VWA3B: variants seen among roughly 807,000 people sequenced by gnomAD.
VWA3B encodes von Willebrand factor A domain-containing protein 3B.
In VWA3B, 138 loss-of-function variants were observed where a neutral mutation model predicts 158.3. The ratio of observed to expected loss-of-function variants is 0.87; its 90% CI spans 0.76 to 1.00. The LOEUF is 1.00. Ranked by LOEUF, VWA3B falls within the 50% of genes least tolerant of loss-of-function variation. VWA3B has a pLI of 0.00. For missense variants in VWA3B, 1,555 were observed against 1,565.1 expected (o/e 0.99, Z 0.11); for synonymous variants, 596 against 587.3 (o/e 1.01, Z -0.21).
chr2:98,286,601 C>T (rs917140888), intron 22 of VWA3B, among the ~76,000 whole-genome samples: 1 of 152,036 alleles, frequency 6.6e-6, no homozygotes, highest in African/African-American at 2.4e-5. Flanking sequence ...GGGTGTTAAA[C>T]CAGTGTTGCA....
At chr2:98,242,065 A>T (rs1240351473) in intron 19 of VWA3B, among the ~76,000 whole-genome samples, 3 of 152,180 alleles carry the variant, frequency 2.0e-5, no homozygotes, top group African/African-American at 7.2e-5. Context: ...TGGAGTTGAA[A>T]AGGAAACACA....
At chr2:98,302,535 A>G (rs1456219492) in intron 25 of VWA3B, among the ~76,000 whole-genome samples, 2 of 152,238 alleles carry the variant, frequency 1.3e-5, no homozygotes, top group African/African-American at 4.8e-5. Flanking sequence ...GCCAGGTAAC[A>G]GTGGCTCTTT....
intron 23 of VWA3B, among the ~76,000 whole-genome samples, chr2:98,294,951 C>G (rs974288737): frequency 6.6e-6 from 1 of 151,654 alleles, no homozygotes; most frequent in Non-Finnish European, 1.5e-5. Flanking sequence ...ACGTACAGCC[C>G]TTTGTTAATT....
chr2:98,209,936 C>T (rs1050386784), intron 12 of VWA3B, among the ~76,000 whole-genome samples: 3 of 152,166 alleles, frequency 2.0e-5, no homozygotes, highest in Non-Finnish European at 2.9e-5. Flanking sequence ...GTGGCAGTCT[C>T]GTTCCCTGAG....
chr2:98,117,357 G>A (rs370053698), intron 3 of VWA3B, among the ~76,000 whole-genome samples: 12 of 152,250 alleles, frequency 7.9e-5, no homozygotes, highest in Middle Eastern at 3.4e-3. Context: ...CTTAGTTTCC[G>A]GATGCTTTCA....
intron 12 of VWA3B, among the ~76,000 whole-genome samples, chr2:98,208,455 C>T (rs1374883470): frequency 6.6e-6 from 1 of 151,920 alleles, no homozygotes; most frequent in Non-Finnish European, 1.5e-5. Flanking sequence ...GTCTTGCCTT[C>T]CTATGGGTTA....
chr2:98,260,146 T>A (rs960166944), intron 21 of VWA3B, among the ~76,000 whole-genome samples: 1 of 151,808 alleles, frequency 6.6e-6, no homozygotes, highest in Non-Finnish European at 1.5e-5. Flanking sequence ...GGTTAACATA[T>A]GGTCTATCCC....
chr2:98,185,532 C>G (rs1680966381), intron 9 of VWA3B, among the ~76,000 whole-genome samples: 1 of 152,216 alleles, frequency 6.6e-6, no homozygotes, highest in African/African-American at 2.4e-5. Flanking sequence ...TCCACTCAGC[C>G]CCTCACTGGC....
intron 22 of VWA3B, among the ~76,000 whole-genome samples, chr2:98,288,605 T>C (rs886303063): frequency 6.6e-6 from 1 of 152,230 alleles, no homozygotes; most frequent in African/African-American, 2.4e-5. Flanking sequence ...TATTAATTTT[T>C]ATCAAAGTAC....
At chr2:98,179,709 TTCTTC>T (rs1313244574) in intron 8 of VWA3B, among the ~76,000 whole-genome samples, 1 of 151,966 alleles carries the variant, frequency 6.6e-6, no homozygotes. Context: ...TTTTCTTTCT[TTCTTC>T]TTTCTTTTTC....
chr2:98,228,750 G>T (rs1309115543), intron 15 of VWA3B, among the ~76,000 whole-genome samples: 1 of 152,150 alleles, frequency 6.6e-6, no homozygotes, highest in Non-Finnish European at 1.5e-5. Flanking sequence ...CTTTAAAATG[G>T]TGGCCGTGGT....
intron 6 of VWA3B, among the ~76,000 whole-genome samples, chr2:98,130,353 C>T (rs550368564): frequency 2.0e-5 from 3 of 152,222 alleles, no homozygotes; most frequent in Admixed American, 6.5e-5. Context: ...AAGCCTTCCT[C>T]TTATCTCAAC....
intron 7 of VWA3B, among the ~76,000 whole-genome samples, chr2:98,150,889 C>T (rs988455262): frequency 3.3e-5 from 5 of 152,160 alleles, no homozygotes; most frequent in Admixed American, 1.3e-4. Flanking sequence ...CTTCTATTTC[C>T]GTTTGCCTTC....
At chr2:98,309,142 C>T (rs1355162214) in intron 26 of VWA3B, among the ~76,000 whole-genome samples, 1 of 150,012 alleles carries the variant, frequency 6.7e-6, no homozygotes, top group Non-Finnish European at 1.5e-5. Context: ...TGCACTCCAG[C>T]CTGGGCGACA....
chr2:98,234,823 T>C (rs1251958429), intron 17 of VWA3B, 56 bp downstream of exon 17: 1 of 1,609,506 alleles, frequency 6.2e-7, no homozygotes, highest in African/African-American at 1.3e-5. Context: ...AGTGTATCTG[T>C]TCCAGAAAGA....
chr2:98,123,234 G>T (rs762132149), intron 5 of VWA3B, among the ~76,000 whole-genome samples: 1 of 152,182 alleles, frequency 6.6e-6, no homozygotes, highest in Non-Finnish European at 1.5e-5. Flanking sequence ...TTTTTGAGCA[G>T]CTAATATAAA....
At chr2:98,311,071 G>A (rs973603829) in intron 26 of VWA3B, among the ~76,000 whole-genome samples, 3 of 152,326 alleles carry the variant, frequency 2.0e-5, no homozygotes, top group Admixed American at 2.0e-4. Context: ...TCGGATTGAA[G>A]GCAGGTTGAT....
In VWA3B at chr2:98,168,887, C is replaced by T. The variant is rs115450507; in HGVS notation, c.1114+5911C>T. On this transcript the variant is annotated intron_variant, in intron 8 of 27. Transcript: ENST00000477737. ...AAATAGACATTAGATGGGATTCCTG[C>T]GGGGAGGAAGTAGAAGGGACAGGGA... is the stretch of plus-strand genomic sequence containing the variant. Among the ~76,000 whole-genome samples the T allele has an allele frequency of 5.5e-3, 835 of 152,074 alleles. 10 individuals are homozygous for T. Among genetic ancestry groups the T allele is most frequent in the African/African-American group, 0.019 (800 of 41,456 alleles).
intron 12 of VWA3B, chr2:98,206,752 G>A: frequency 3.0e-6 from 1 of 328,702 alleles, no homozygotes; most frequent in South Asian, 2.8e-5. Context: ...TGGCAAAATT[G>A]GGCTTTTTAG....
Sources: allele counts gnomAD v4.1 joint callset (sites outside exome capture counted in the v4.1 genomes callset), GRCh38; gene constraint gnomAD v4.1.1; transcripts MANE v1.5; gene names NCBI Gene and HGNC (gene_info 2026-07-23, HGNC 2026-07-21).